Variants in HMGCLL1 observed in about 807,000 individuals in gnomAD.
HMGCLL1 encodes the protein 3-hydroxymethyl-3-methylglutaryl-CoA lyase, cytoplasmic.
A neutral mutation model predicts 39.1 loss-of-function variants in HMGCLL1; 36 were observed. That is an observed-to-expected ratio of 0.92 (90% CI 0.71 to 1.22). The LOEUF (loss-of-function observed/expected upper bound fraction) is 1.22, where lower values mean the gene tolerates loss of function less well. HMGCLL1 is among the 50% of genes most tolerant of loss of function. The pLI, the probability that HMGCLL1 is intolerant of heterozygous loss-of-function variation, is 0.00. For missense variants in HMGCLL1, 451 were observed against 416.5 expected (o/e 1.08, Z -0.72); for synonymous variants, 149 against 144.0 (o/e 1.03, Z -0.25).
the HMGCLL1 span, among the ~76,000 whole-genome samples, chr6:55,616,103 A>G: frequency 6.6e-6 from 1 of 152,102 alleles, no homozygotes; most frequent in Non-Finnish European, 1.5e-5. Context: ...AAATAGCCAT[A>G]TAGTCTTCTT....
At chr6:55,624,042 C>A in the HMGCLL1 span, among the ~76,000 whole-genome samples, 1 of 152,242 alleles carries the variant, frequency 6.6e-6, no homozygotes, top group East Asian at 1.9e-4. Flanking sequence ...CAGTTCAGAG[C>A]CAGTGTCCAG....
the HMGCLL1 span, among the ~76,000 whole-genome samples, chr6:55,627,487 A>G: frequency 6.6e-6 from 1 of 151,944 alleles, no homozygotes; most frequent in African/African-American, 2.4e-5. Context: ...GTTCACATTG[A>G]CAAGGGGTGG....
At chr6:55,663,981 A>G in the HMGCLL1 span, among the ~76,000 whole-genome samples, 4 of 151,874 alleles carry the variant, frequency 2.6e-5, no homozygotes, top group African/African-American at 9.7e-5. Context: ...ATCTTAAATT[A>G]CAACTGCAAT....
intron 7 of HMGCLL1, among the ~76,000 whole-genome samples, chr6:55,480,698 C>A (rs530713593): frequency 1.3e-5 from 2 of 151,844 alleles, no homozygotes; most frequent in South Asian, 2.1e-4. Flanking sequence ...TTTACTGCAG[C>A]ACTATTCACA....
intron 7 of HMGCLL1, among the ~76,000 whole-genome samples, chr6:55,460,263 G>C (rs1764499094): frequency 6.6e-6 from 1 of 151,902 alleles, no homozygotes. Context: ...GTACCATAAA[G>C]TATAGCTATA....
the HMGCLL1 span, among the ~76,000 whole-genome samples, chr6:55,590,624 T>C: frequency 6.6e-6 from 1 of 151,684 alleles, no homozygotes; most frequent in African/African-American, 2.4e-5. Flanking sequence ...AATCAGTTTT[T>C]AATAAAAAAT....
the HMGCLL1 span, among the ~76,000 whole-genome samples, chr6:55,625,882 A>T: frequency 3.3e-5 from 5 of 152,284 alleles, no homozygotes; most frequent in South Asian, 2.1e-4. Context: ...GAAGAGTTTA[A>T]TAATCAAGTA....
At chr6:55,616,583 A>G in the HMGCLL1 span, among the ~76,000 whole-genome samples, 5 of 152,240 alleles carry the variant, frequency 3.3e-5, no homozygotes, top group Admixed American at 6.6e-5. Context: ...GAACTGATAA[A>G]CCAACTGACC....
chr6:55,628,206 C>CTATATATATAATATATATATATAGTA, the HMGCLL1 span, among the ~76,000 whole-genome samples: 1 of 67,392 alleles, frequency 1.5e-5, no homozygotes. Context: ...ATAGTATATC[C>CTATATATATAATATATATATATAGTA]TATCAGTTCT....
the HMGCLL1 span, among the ~76,000 whole-genome samples, chr6:55,627,254 A>G: frequency 3.3e-5 from 5 of 152,044 alleles, no homozygotes; most frequent in African/African-American, 1.2e-4. Flanking sequence ...ACTTGTATTA[A>G]GAAAATATCT....
At chr6:55,650,416 A>G in the HMGCLL1 span, among the ~76,000 whole-genome samples, 1 of 151,752 alleles carries the variant, frequency 6.6e-6, no homozygotes, top group South Asian at 2.1e-4. Context: ...AATTCTCTGA[A>G]TTACTAGGCA....
At chr6:55,579,969 C>T (rs1199747654), upstream of HMGCLL1, among the ~76,000 whole-genome samples, 1 of 152,138 alleles carries the variant, frequency 6.6e-6, no homozygotes, top group South Asian at 2.1e-4. Flanking sequence ...TAATAATCTT[C>T]GCAGTGGGTT....
chr6:55,462,496 A>G (rs1425437110), intron 7 of HMGCLL1, among the ~76,000 whole-genome samples: 2 of 152,176 alleles, frequency 1.3e-5, no homozygotes, highest in African/African-American at 4.8e-5. Flanking sequence ...TAATTTGTCC[A>G]GAAATTTAAA....
upstream of HMGCLL1, among the ~76,000 whole-genome samples, chr6:55,583,569 C>T (rs1430373709): frequency 6.6e-6 from 1 of 152,064 alleles, no homozygotes; most frequent in Admixed American, 6.6e-5. Context: ...TGTATATGTG[C>T]CACATTTTCT....
intron 1 of HMGCLL1, among the ~76,000 whole-genome samples, chr6:55,553,316 T>TA (rs1283227597): frequency 6.6e-6 from 1 of 150,820 alleles, no homozygotes. Context: ...TGCATGCCTG[T>TA]AATCCCAGCT....
At chr6:55,611,774 C>G in the HMGCLL1 span, among the ~76,000 whole-genome samples, 1 of 152,158 alleles carries the variant, frequency 6.6e-6, no homozygotes, top group South Asian at 2.1e-4. Flanking sequence ...GTTAAAAACT[C>G]TCAATAAACT....
chr6:55,615,049 T>C, the HMGCLL1 span, among the ~76,000 whole-genome samples: 1 of 152,128 alleles, frequency 6.6e-6, no homozygotes, highest in Non-Finnish European at 1.5e-5. Flanking sequence ...ATAGTAATTA[T>C]AAACTGTATT....
At chr6:55,650,130 T>TACACACAC in the HMGCLL1 span, among the ~76,000 whole-genome samples, 1 of 51,066 alleles carries the variant, frequency 2.0e-5, no homozygotes, top group East Asian at 8.8e-4. Context: ...TATATATATA[T>TACACACAC]ATATACACAC....
chr6:55,454,267 G>A (rs529016613), intron 7 of HMGCLL1, among the ~76,000 whole-genome samples: 22 of 152,246 alleles, frequency 1.4e-4, no homozygotes, highest in Admixed American at 3.9e-4. Flanking sequence ...TACCAGGGGT[G>A]GGGGCAGGGA....
Sources: allele counts gnomAD v4.1 joint callset (sites outside exome capture counted in the v4.1 genomes callset), GRCh38; gene constraint gnomAD v4.1.1; transcripts MANE v1.5; gene names NCBI Gene and HGNC (gene_info 2026-07-23, HGNC 2026-07-21).